The following TRIM6 variants were observed in gnomAD, a reference collection of about 807,000 sequenced individuals.
TRIM6 encodes tripartite motif-containing protein 6.
A neutral mutation model predicts 51.2 loss-of-function variants in TRIM6; 43 were observed. The ratio of observed to expected loss-of-function variants is 0.84; its 90% confidence interval spans 0.66 to 1.08. The LOEUF (loss-of-function observed/expected upper bound fraction) is 1.08. TRIM6 is among the 50% of genes least tolerant of loss of function. The pLI is 0.00. For synonymous variants in TRIM6, 215 were observed against 232.4 expected, an observed-to-expected ratio of 0.93 and a Z score of 0.68; for missense variants, 669 against 619.0, an observed-to-expected ratio of 1.08 and a Z score of -0.86.
chr11:5,604,810 T>A (rs1183669826), intron 3 of TRIM6, 181 bp downstream of exon 3: 1 of 587,130 alleles, frequency 1.7e-6, no homozygotes. Flanking sequence ...AAATAGCAAA[T>A]ATATCAAAAC....
intron 1 of TRIM6, among the ~76,000 whole-genome samples, chr11:5,599,121 G>A (rs1029361420): frequency 6.6e-6 from 1 of 152,056 alleles, no homozygotes; most frequent in African/African-American, 2.4e-5. Flanking sequence ...TTATCTTGTT[G>A]TATATATTAA....
intron 1 of TRIM6, among the ~76,000 whole-genome samples, chr11:5,598,462 TAGAA>T (rs2133810078): frequency 6.6e-6 from 1 of 152,140 alleles, no homozygotes; most frequent in African/African-American, 2.4e-5. Flanking sequence ...GAACTAGAAA[TAGAA>T]TGAAGCCACA....
At chr11:5,606,320 G>C (rs1848205617) in intron 4 of TRIM6, among the ~76,000 whole-genome samples, 1 of 151,898 alleles carries the variant, frequency 6.6e-6, no homozygotes, top group Non-Finnish European at 1.5e-5. Flanking sequence ...ATCAAGCCTA[G>C]AGAGATTTGA....
chr11:5,606,201 T>C (rs977085451), intron 4 of TRIM6, among the ~76,000 whole-genome samples: 3 of 152,200 alleles, frequency 2.0e-5, no homozygotes, highest in Non-Finnish European at 4.4e-5. Flanking sequence ...TTGTTTTCAC[T>C]CTCTTCTCTA....
In TRIM6 at chr11:5,605,662, G is replaced by A. The variant is rs370829342; in HGVS notation, c.834+95G>A. The A allele has an allele frequency of 3.5e-6, 5 of 1,422,580 alleles. No homozygotes were observed. The Admixed American group carries it at 8.1e-5, about 23-fold the overall frequency. 88.1% of individuals were successfully genotyped at this position (1,422,580 alleles called of 1,614,324 possible). The stretch of plus-strand genomic sequence containing the variant: ...GACATCAGACTACCATCGTTGCAGG[G>A]ACAAGAGAAAACATTCCTTTGGCGC... On this transcript the variant is annotated intron_variant, in intron 4 of 7. Coordinates refer to ENST00000380097, the MANE Select transcript of TRIM6 (RefSeq NM_001003818.3).
In TRIM6 at chr11:5,605,491, A is replaced by G; in HGVS notation, c.758A>G (p.His253Arg). Residue 253 changes from histidine (H) to arginine (R), a missense_variant, in exon 4 of 8, where the codon CAC (histidine) becomes CGC (arginine). Physicochemically the swap from His to Arg is conservative, Grantham distance 29. Coordinates refer to ENST00000380097, the MANE Select transcript of TRIM6 (RefSeq NM_001003818.3). ...IIEEAENDLV[H>R]QTQSLRELIS... ...GAAGAGGCTGAGAATGATCTGGTCC[A>G]CCAGACCCAGTCGCTGCGAGAGCTC... The G allele has an allele frequency of 6.2e-7, 1 of 1,614,180 alleles. No homozygotes were observed. Among genetic ancestry groups the G allele is most frequent in the South Asian group, 1.1e-5 (1 of 91,090 alleles).
At chr11:5,604,731 T>C (rs1171652366) in intron 3 of TRIM6, 102 bp downstream of exon 3, 1 of 1,259,808 alleles carries the variant, frequency 7.9e-7, no homozygotes, top group African/African-American at 1.5e-5. Flanking sequence ...TCTGATGCCA[T>C]GACTAGAAGA....
Position 5,603,550 on chromosome 11 carries a change from C to A in TRIM6, c.322C>A (p.Arg108=). The A allele has an allele frequency of 6.2e-7, 1 of 1,614,010 alleles. No homozygotes were observed. Among genetic ancestry groups the A allele is most frequent in the Non-Finnish European group, 8.5e-7 (1 of 1,180,008 alleles). ...TCGGCATCTGGCCAACATAGTGAGG[C>A]GGCTCAGAGAGGTAGTGTTGGGCCC... ...PNRHLANIVR[R]LREVVLGPGK... The change falls in exon 2 of 8, where the codon CGG becomes AGG. Residue 108 remains arginine (R), a synonymous_variant. Coordinates refer to ENST00000380097, the MANE Select transcript of TRIM6 (RefSeq NM_001003818.3).
intron 4 of TRIM6, among the ~76,000 whole-genome samples, chr11:5,607,548 A>G (rs1848298489): frequency 6.6e-6 from 1 of 152,218 alleles, no homozygotes; most frequent in Non-Finnish European, 1.5e-5. Flanking sequence ...AAAAGACCAA[A>G]TAGAAAGGAA....
At chr11:5,610,096 G>A in intron 5 of TRIM6, 49 bp from the exon 6 acceptor site, 1 of 1,600,816 alleles carries the variant, frequency 6.2e-7, no homozygotes, top group Non-Finnish European at 8.6e-7. Flanking sequence ...GGGTGGTGGA[G>A]GAACCCACAG....
At chr11:5,604,962 A>T (rs1459082451) in intron 3 of TRIM6, among the ~76,000 whole-genome samples, 1 of 152,146 alleles carries the variant, frequency 6.6e-6, no homozygotes, top group Non-Finnish European at 1.5e-5. Context: ...AAATGCAGGT[A>T]AGGCTTGTGA....
chr11:5,607,628 A>G (rs1477833986), intron 4 of TRIM6, among the ~76,000 whole-genome samples: 1 of 152,204 alleles, frequency 6.6e-6, no homozygotes, highest in Non-Finnish European at 1.5e-5. Context: ...ACCAAATGAA[A>G]TTGAGGATGT....
intron 1 of TRIM6, among the ~76,000 whole-genome samples, chr11:5,599,949 A>G (rs1225544989): frequency 1.3e-5 from 2 of 152,070 alleles, no homozygotes; most frequent in Non-Finnish European, 2.9e-5. Flanking sequence ...AGAGCCTTAT[A>G]GTGCAGTGTG....
At chr11:5,609,522 T>C (rs1293970291) in intron 5 of TRIM6, among the ~76,000 whole-genome samples, 1 of 152,158 alleles carries the variant, frequency 6.6e-6, no homozygotes, top group Non-Finnish European at 1.5e-5. Context: ...GCAAAAGATT[T>C]CCAAGCCATT....
At chr11:5,604,689 T>C in intron 3 of TRIM6, 60 bp downstream of exon 3, 2 of 1,564,034 alleles carry the variant, frequency 1.3e-6, no homozygotes, top group Admixed American at 3.7e-5. Flanking sequence ...TCATAGGAGC[T>C]GAGGGCAAAG....
chr11:5,605,372 A>G lies in TRIM6; in HGVS notation c.639A>G (p.Thr213=), dbSNP rs756180169. The G allele has an allele frequency of 5.5e-5, 89 of 1,614,066 alleles. No individual in the cohort carries two copies. The highest frequency in any genetic ancestry group is 6.9e-5 in the Non-Finnish European group (82 of 1,180,038). ...QMEPERCRIQ[T]EFNQLRNILD... is the part of the protein sequence containing the mutation. ...AGCCTGAGAGATGCAGGATCCAGAC[A>G]GAGTTTAATCAGCTGCGAAATATCC... Residue 213 remains threonine (T), a synonymous_variant, in exon 4 of 8, where the codon ACA becomes ACG. Transcript: ENST00000380097.
At chr11:5,608,044 A>C (rs1043582459) in intron 4 of TRIM6, among the ~76,000 whole-genome samples, 2 of 152,206 alleles carry the variant, frequency 1.3e-5, no homozygotes, top group Non-Finnish European at 2.9e-5. Flanking sequence ...CAAGGATAGA[A>C]ATTATGACTT....
In TRIM6 at chr11:5,596,790, G is replaced by C. The variant is rs1477480746; in HGVS notation, c.-108G>C. 6.4e-7 allele frequency: 1 copy of C among 1,573,122 alleles called. No individual in the cohort carries two copies. The highest frequency in any genetic ancestry group is 2.2e-5 in the East Asian group (1 of 44,568). On this transcript the variant is annotated 5_prime_UTR_variant, in exon 1 of 8. Transcript: ENST00000380097. ...TTGAGTTTAGATAAAAGCCGAGTGA[G>C]CGCGCTCTGTTCCTTAAGATTAGTT...
intron 1 of TRIM6, among the ~76,000 whole-genome samples, chr11:5,602,487 A>C (rs1444760974): frequency 6.6e-6 from 1 of 151,820 alleles, no homozygotes; most frequent in Non-Finnish European, 1.5e-5. Flanking sequence ...TGTGCTCTAA[A>C]TAGACTAGTC....
Sources: gnomAD v4.1 joint callset for allele counts (sites outside exome capture counted in the v4.1 genomes callset) on GRCh38, gnomAD v4.1.1 for gene constraint, MANE v1.5 for transcripts, NCBI Gene and HGNC (gene_info 2026-07-23, HGNC 2026-07-21) for gene names.